MROH2B: variants seen among roughly 807,000 people sequenced by gnomAD.
MROH2B encodes the protein maestro heat-like repeat-containing protein family member 2B.
In MROH2B, 177 loss-of-function variants were observed where a neutral mutation model predicts 208.6. The observed-to-expected ratio is 0.85, with a 90% CI of 0.75 to 0.96. MROH2B has a LOEUF of 0.96. Ranked by LOEUF, MROH2B falls within the 40% of genes least tolerant of loss-of-function variation. The pLI, the probability that MROH2B is intolerant of heterozygous loss-of-function variation, is 0.00. For synonymous variants in MROH2B, 728 were observed against 659.0 expected (o/e 1.10, Z -1.60); for missense variants, 2,002 against 1,878.7 (o/e 1.07, Z -1.21).
Position 41,054,747 on chromosome 5 carries a change from G to T in MROH2B, c.1107+20C>A. 1 of 1,562,560 alleles carries T rather than the reference G, an allele frequency of 6.4e-7. No homozygotes were observed. Among genetic ancestry groups the T allele is most frequent in the South Asian group, 1.2e-5 (1 of 84,220 alleles). ...ATTCTTAAAGCTACCATCGACAAGA[G>T]TTTCTATTAATTCTCTTACTTTTGT... On this transcript the variant is annotated intron_variant, in intron 11 of 41. Transcript: ENST00000399564.
chr5:41,027,964 C>T (rs572502027), intron 24 of MROH2B, among the ~76,000 whole-genome samples: 2 of 151,996 alleles, frequency 1.3e-5, no homozygotes, highest in Admixed American at 1.3e-4. Flanking sequence ...CGCTTGTTCT[C>T]ACTCACAGGT....
At chr5:41,019,155 A>C in intron 24 of MROH2B, 137 bp from the exon 25 acceptor site, 1 of 1,093,826 alleles carries the variant, frequency 9.1e-7, no homozygotes, top group Non-Finnish European at 1.3e-6. Context: ...GGATGTTGAG[A>C]AAGGTGGTGA....
Position 41,052,481 on chromosome 5 carries a change from G to T in MROH2B, c.1214C>A (p.Thr405Lys). 1.2e-6 allele frequency: 2 copies of T among 1,612,120 alleles called. No homozygotes were observed. The highest frequency in any genetic ancestry group is 1.7e-6 in the Non-Finnish European group (2 of 1,178,898). Reference protein sequence around the residue: ...LIDYVFSQFATLNRNLEKPVK... With the variant: ...LIDYVFSQFAKLNRNLEKPVK... The stretch of plus-strand genomic sequence containing the variant: ...TCTGCATACCAGATTCCTGTTCAAC[G>T]TTGCAAACTGGGAGAAGACATAATC... The change falls in exon 12 of 42, where the codon ACG (threonine) becomes AAG (lysine). Residue 405 changes from threonine to lysine, a missense_variant. Physicochemically the swap from Thr to Lys is moderately conservative, Grantham distance 78. Transcript: ENST00000399564.
At position 41,005,391 on chromosome 5, in the gene MROH2B, T is replaced by C. The variant is rs1027591801; in HGVS notation, c.3864+140A>G. The C allele has an allele frequency of 4.8e-5, 29 of 600,764 alleles. No individual in the cohort carries two copies. In the African/African-American group the frequency reaches 5.2e-4, roughly 11 times the overall value. 37.2% of individuals were successfully genotyped at this position (600,764 alleles called of 1,614,324 possible). A position where few individuals can be genotyped will look rare whatever the true frequency, so the allele number is the denominator to read the frequency against. ...TGCTTAGGTACCATATATCTGGCAG[T>C]AGCTGGTCTCTCCTCTATGAAACCC... On this transcript the variant is annotated intron_variant, in intron 35 of 41. Transcript: ENST00000399564.
intron 24 of MROH2B, among the ~76,000 whole-genome samples, chr5:41,022,035 A>T (rs971706225): frequency 6.6e-6 from 1 of 152,234 alleles, no homozygotes; most frequent in African/African-American, 2.4e-5. Context: ...TTTAAGGTAT[A>T]CAGCATGATG....
At position 41,048,335 on chromosome 5, in the gene MROH2B, T is replaced by A; in HGVS notation, c.1673A>T (p.Gln558Leu). 6.2e-7 allele frequency: 1 copy of A among 1,613,196 alleles called. No individual in the cohort carries two copies. Among genetic ancestry groups the A allele is most frequent in the Non-Finnish European group, 8.5e-7 (1 of 1,179,468 alleles). ...CCAATCCCTTGTACCTTCCAGAGGC[T>A]GCAGAAGCTCAGGTAAACGTGTTTT... ...LWKTRLPELL[Q>L]PLEGKNISTV... The change falls in exon 16 of 42, where the codon CAG becomes CTG. Residue 558 changes from glutamine (Q) to leucine (L), a missense_variant. Physicochemically the swap from Gln to Leu is moderately radical, Grantham distance 113. Transcript: ENST00000399564.
At chr5:41,055,226 G>A (rs955206863) in intron 10 of MROH2B, among the ~76,000 whole-genome samples, 11 of 152,094 alleles carry the variant, frequency 7.2e-5, no homozygotes, top group Admixed American at 6.6e-4. Flanking sequence ...TTGTATTTTA[G>A]CAAGTCTAAG....
intron 30 of MROH2B, 53 bp from the exon 31 acceptor site, chr5:41,010,132 G>A (rs1331462478): frequency 8.1e-5 from 127 of 1,573,562 alleles, no homozygotes; most frequent in Non-Finnish European, 1.0e-4. Context: ...CCCTCTATGT[G>A]AATGACTCAG....
intron 18 of MROH2B, among the ~76,000 whole-genome samples, chr5:41,045,245 C>T (rs1318589069): frequency 6.6e-6 from 1 of 152,208 alleles, no homozygotes; most frequent in Non-Finnish European, 1.5e-5. Context: ...TCATTGTTAT[C>T]CATGGCCATA....
intron 24 of MROH2B, among the ~76,000 whole-genome samples, chr5:41,023,031 A>C (rs1006093928): frequency 6.6e-6 from 1 of 152,190 alleles, no homozygotes; most frequent in African/African-American, 2.4e-5. Context: ...TCCACACCAA[A>C]ACCCCGTCTG....
At chr5:41,049,066 A>T in intron 15 of MROH2B, 35 bp downstream of exon 15, 1 of 1,569,012 alleles carries the variant, frequency 6.4e-7, no homozygotes, top group Non-Finnish European at 8.7e-7. Context: ...ATCAGCTTAA[A>T]TTTGTTCTAC....
intron 17 of MROH2B, among the ~76,000 whole-genome samples, chr5:41,046,231 TA>T (rs1196017786): frequency 7.2e-4 from 101 of 140,998 alleles, no homozygotes; most frequent in East Asian, 3.5e-3. Context: ...GATTACATAC[TA>T]AAAAAAAAAA....
At chr5:41,037,594 C>T (rs752536156) in intron 21 of MROH2B, among the ~76,000 whole-genome samples, 2 of 152,158 alleles carry the variant, frequency 1.3e-5, no homozygotes, top group African/African-American at 2.4e-5. Context: ...ATTCTTATCA[C>T]ATGTACATAA....
Position 41,017,874 on chromosome 5 carries a change from T to C in MROH2B, c.2860A>G (p.Thr954Ala), listed in dbSNP as rs760398904. 3.1e-6 allele frequency: 5 copies of C among 1,595,470 alleles called. No homozygotes were observed. Among genetic ancestry groups the C allele is most frequent in the African/African-American group, 1.3e-5 (1 of 74,870 alleles). ...CCTTTTATATAGAACAGACCAATAG[T>C]TGAGCTAGCAGCCGCCTGACGGATG... ...PTIRQAAASSTIGLFYIKGIH... is the reference protein window; with the variant it reads ...PTIRQAAASSAIGLFYIKGIH... The change falls in exon 28 of 42, where the codon ACT becomes GCT. Residue 954 changes from threonine to alanine, a missense_variant. Thr to Ala is a moderately conservative substitution (Grantham distance 58). Coordinates refer to ENST00000399564, the MANE Select transcript of MROH2B (RefSeq NM_173489.5).
intron 29 of MROH2B, among the ~76,000 whole-genome samples, chr5:41,014,946 T>A (rs941192326): frequency 3.3e-5 from 5 of 152,220 alleles, no homozygotes; most frequent in Non-Finnish European, 7.3e-5. Flanking sequence ...GAATAGAGCT[T>A]TACATATGGT....
In MROH2B at chr5:41,054,781, C is replaced by A; in HGVS notation, c.1093G>T (p.Asp365Tyr). 2 of 1,610,158 alleles carry A rather than the reference C, an allele frequency of 1.2e-6. No homozygotes were observed. The highest frequency in any genetic ancestry group is 2.2e-5 in the South Asian group (2 of 90,178). ...IERTVKIVMG[D>Y]LSTKVRNSVL... ...AATTCTCTTACTTTTGTACTGAGAT[C>A]ACCCATGACGATTTTGACTGTTCTT... Residue 365 changes from aspartate to tyrosine, a missense_variant, in exon 11 of 42, where the codon GAT (aspartate) becomes TAT (tyrosine). Coordinates refer to ENST00000399564, the MANE Select transcript of MROH2B (RefSeq NM_173489.5).
Position 41,033,816 on chromosome 5 carries a change from T to TCTAC in MROH2B, c.2241+21_2241+22insGTAG, listed in dbSNP as rs1561291684. On this transcript the variant is annotated intron_variant, in intron 22 of 41. Transcript: ENST00000399564. ...ATCTATCTATCTATCTATCTATCTATCTATCTATCTATCTCTCCTACCTTG... is the reference window on the plus strand; with the variant it reads ...ATCTATCTATCTATCTATCTATCTATCTACCTATCTATCTATCTCTCCTACCTTG... The TCTAC allele has an allele frequency of 3.8e-6, 4 of 1,040,496 alleles. No homozygotes were observed. The East Asian group carries it at 2.0e-4, about 51-fold the overall frequency. 64.5% of individuals were successfully genotyped at this position (1,040,496 alleles called of 1,614,324 possible). A position where few individuals can be genotyped will look rare whatever the true frequency, so the allele number is the denominator to read the frequency against.
At position 41,019,003 on chromosome 5, in the gene MROH2B, C is replaced by G; in HGVS notation, c.2457G>C (p.Gln819His). Residue 819 changes from glutamine (Q) to histidine (H), a missense_variant, in exon 25 of 42, where the codon CAG (glutamine) becomes CAC (histidine). Physicochemically the swap from Gln to His is conservative, Grantham distance 24. Transcript: ENST00000399564. ...TGTTAAGGTGGTCTTGTAGTGAGAG[C>G]TGAGGTTTCAGTTTACTGAAATGAG... ...AIRYLSKLKP[Q>H]LSLQDHLNIL... 6.2e-7 allele frequency: 1 copy of G among 1,613,788 alleles called. No homozygotes were observed. Among genetic ancestry groups the G allele is most frequent in the Non-Finnish European group, 8.5e-7 (1 of 1,179,816 alleles).
chr5:41,016,497 TG>T (rs550801551), intron 28 of MROH2B, among the ~76,000 whole-genome samples: 3 of 105,028 alleles, frequency 2.9e-5, no homozygotes, highest in Non-Finnish European at 3.9e-5. Context: ...ACTACTGTAA[TG>T]TTTTTTTTTT....
Sources: gnomAD v4.1 joint callset for allele counts (sites outside exome capture counted in the v4.1 genomes callset) on GRCh38, gnomAD v4.1.1 for gene constraint, MANE v1.5 for transcripts, NCBI Gene and HGNC (gene_info 2026-07-23, HGNC 2026-07-21) for gene names.